Variants in CLRN2 observed in about 807,000 individuals in gnomAD.
The protein encoded by CLRN2 is clarin 2.
CLRN2 carries 17 observed loss-of-function variants against 20.1 expected under a neutral mutation model. The ratio of observed to expected loss-of-function variants is 0.85; its 90% CI spans 0.58 to 1.27. The LOEUF is 1.27. Among genes scored for constraint, CLRN2 ranks in the 50% most tolerant of loss-of-function variants. The pLI is 0.00. For missense variants in CLRN2, 288 were observed against 299.5 expected, an observed-to-expected ratio of 0.96 and a Z score of 0.28; for synonymous variants, 140 against 126.9, an observed-to-expected ratio of 1.10 and a Z score of -0.70.
chr4:17,517,701 G>C (rs1210457146), intron 1 of CLRN2, among the ~76,000 whole-genome samples: 1 of 152,204 alleles, frequency 6.6e-6, no homozygotes, highest in African/African-American at 2.4e-5. Flanking sequence ...CCTGTGAGAA[G>C]CATAAAGGAC....
At position 17,520,684 on chromosome 4, in the gene CLRN2, C is replaced by T. The variant is rs1206891952; in HGVS notation, c.254-2180C>T. ...TTTTGGTAAGCATTACTATGTTAGT[C>T]GTGTGTCCTAAGGATTGCCTGGTTA... On this transcript the variant is annotated intron_variant, in intron 1 of 2. Transcript: ENST00000511148. Among the ~76,000 whole-genome samples, 6 of 152,208 alleles carry T rather than the reference C, an allele frequency of 3.9e-5. No homozygotes were observed. In the East Asian group the frequency reaches 7.7e-4, roughly 20 times the overall value.
intron 1 of CLRN2, among the ~76,000 whole-genome samples, chr4:17,518,145 G>T (rs1227469607): frequency 6.6e-6 from 1 of 151,992 alleles, no homozygotes; most frequent in African/African-American, 2.4e-5. Flanking sequence ...CTGGGATGGG[G>T]AGGTTTATTG....
Position 17,527,039 on chromosome 4 carries a change from A to C in CLRN2, c.656A>C (p.Lys219Thr), listed in dbSNP as rs1185785357. Residue 219 changes from lysine (K) to threonine (T), a missense_variant, in exon 3 of 3, where the codon AAA becomes ACA. Lys to Thr is a moderately conservative substitution (Grantham distance 78, BLOSUM62 -1). Coordinates refer to ENST00000511148, the MANE Select transcript of CLRN2 (RefSeq NM_001079827.2). ...ATTCCCCTCCCTGAGATTAAGACCA[A>C]AATCGAAGAGGCCACGGTCACAGCT... ...SQIPLPEIKT[K>T]IEEATVTAED... The C allele has an allele frequency of 6.2e-7, 1 of 1,613,974 alleles. No individual in the cohort carries two copies. Among genetic ancestry groups the C allele is most frequent in the Non-Finnish European group, 8.5e-7 (1 of 1,179,890 alleles).
At chr4:17,526,287 C>T (rs940299313) in intron 2 of CLRN2, among the ~76,000 whole-genome samples, 4 of 152,118 alleles carry the variant, frequency 2.6e-5, no homozygotes, top group Non-Finnish European at 5.9e-5. Context: ...GGGCCGGGTG[C>T]GGTGGCTCAC....
At chr4:17,520,314 T>G (rs1177780974) in intron 1 of CLRN2, among the ~76,000 whole-genome samples, 1 of 152,236 alleles carries the variant, frequency 6.6e-6, no homozygotes, top group East Asian at 1.9e-4. Flanking sequence ...GTGGATATAA[T>G]TCTTTCTTTT....
rs1299405164 is a variant in CLRN2 at position 17,527,010 on chromosome 4, T to C, written c.627T>C (p.Ser209=). The C allele has an allele frequency of 2.5e-6, 4 of 1,613,974 alleles. No individual in the cohort carries two copies. The highest frequency in any genetic ancestry group is 1.7e-5 in the Admixed American group (1 of 60,022). ...CAAACTTGGTCGTGGTGGCGATCAG[T>C]CAAATTCCCCTCCCTGAGATTAAGA... ...HAANLVVVAI[S]QIPLPEIKTK... is the part of the protein sequence containing the mutation. Residue 209 remains serine, a synonymous_variant, in exon 3 of 3, where the codon AGT becomes AGC. Transcript: ENST00000511148.
At position 17,515,263 on chromosome 4, in the gene CLRN2, T is replaced by G. The variant is rs1159043079; in HGVS notation, c.-4T>G. 6.2e-7 allele frequency: 1 copy of G among 1,613,328 alleles called. No individual in the cohort carries two copies. Among genetic ancestry groups the G allele is most frequent in the South Asian group, 1.1e-5 (1 of 91,044 alleles). On this transcript the variant is annotated 5_prime_UTR_variant, in exon 1 of 3. It removes the in-frame stop codon of an upstream open reading frame in the 5' UTR. Transcript: ENST00000511148. ...GACCTTGGGGATGACCTGCACCCAC[T>G]AGCATGCCTGGATGGTTCAAAAAGG...
chr4:17,515,432 AAGTTCATTGGGGACATTTAC>A lies in CLRN2; in HGVS notation c.167_186del (p.Lys56IlefsTer8), dbSNP rs1182786630. On this transcript the variant is annotated frameshift_variant, in exon 1 of 3. Transcript: ENST00000511148. LOFTEE classifies it high-confidence loss of function. ...CAACGCCACAGACAGAGAGCTGGTC[AAGTTCATTGGGGACATTTAC>A]TACGGGCTCTTCCGAGGGTGTAAAG... is the stretch of plus-strand genomic sequence containing the variant. 4 of 1,613,830 alleles carry A rather than the reference AAGTTCATTGGGGACATTTAC, an allele frequency of 2.5e-6. No individual in the cohort carries two copies. The African/African-American group carries it at 5.3e-5, about 22-fold the overall frequency.
chr4:17,524,204 ATGTGTGTGTGTGTG>A (rs10527873), intron 2 of CLRN2, among the ~76,000 whole-genome samples: 25 of 148,650 alleles, frequency 1.7e-4, no homozygotes, highest in African/African-American at 5.7e-4. Context: ...AAACTACAAG[ATGTGTGTGTGTGTG>A]TGTGTGTGTG....
intron 1 of CLRN2, among the ~76,000 whole-genome samples, chr4:17,521,436 AG>A (rs1315215956): frequency 6.6e-6 from 1 of 152,244 alleles, no homozygotes; most frequent in African/African-American, 2.4e-5. Flanking sequence ...GGTATTCAGC[AG>A]GAACCTTGGA....
intron 2 of CLRN2, among the ~76,000 whole-genome samples, chr4:17,525,248 A>G (rs533900114): frequency 3.3e-4 from 51 of 152,330 alleles, no homozygotes; most frequent in Non-Finnish European, 6.8e-4. Flanking sequence ...GTGTGACCTT[A>G]TTTCTATAAT....
chr4:17,520,439 C>T (rs1711812611), intron 1 of CLRN2, among the ~76,000 whole-genome samples: 1 of 152,070 alleles, frequency 6.6e-6, no homozygotes. Context: ...AATATTTGAT[C>T]CACGCTTTGA....
chr4:17,516,065 T>C (rs546742657), intron 1 of CLRN2, among the ~76,000 whole-genome samples: 1 of 152,344 alleles, frequency 6.6e-6, no homozygotes, highest in South Asian at 2.1e-4. Flanking sequence ...TTTCCACATC[T>C]ACTTTTGTAA....
chr4:17,515,210 A>C lies in CLRN2; in HGVS notation c.-57A>C. ...CAGAGCATTGCCGAGTATCTGAAAG[A>C]TGTCAATGACCCTCGCTGCTGCTCG... On this transcript the variant is annotated 5_prime_UTR_variant, in exon 1 of 3. The change abolishes an upstream ATG in the 5' untranslated region. Coordinates refer to ENST00000511148, the MANE Select transcript of CLRN2 (RefSeq NM_001079827.2). The C allele has an allele frequency of 6.3e-7, 1 of 1,588,660 alleles. No homozygotes were observed. The highest frequency in any genetic ancestry group is 1.7e-5 in the Admixed American group (1 of 58,474).
At chr4:17,523,719 A>T (rs538074897) in intron 2 of CLRN2, among the ~76,000 whole-genome samples, 96 of 150,156 alleles carry the variant, frequency 6.4e-4, no homozygotes, top group Non-Finnish European at 1.1e-3. Context: ...GGGTAGTGTG[A>T]GCAAGAGGCC....
intron 2 of CLRN2, among the ~76,000 whole-genome samples, chr4:17,524,116 T>A (rs2597788): frequency 0.059 from 8,935 of 151,996 alleles, 369 homozygotes; most frequent in African/African-American, 0.11. Flanking sequence ...AACCTAGGTG[T>A]AACTGATTCT....
In CLRN2 at chr4:17,527,073, C is replaced by A; in HGVS notation, c.690C>A (p.Ile230=). The A allele has an allele frequency of 6.2e-7, 1 of 1,613,870 alleles. No individual in the cohort carries two copies. The highest frequency in any genetic ancestry group is 8.5e-7 in the Non-Finnish European group (1 of 1,179,882). Residue 230 remains isoleucine, a synonymous_variant, in exon 3 of 3, where the codon ATC becomes ATA. Coordinates refer to ENST00000511148, the MANE Select transcript of CLRN2 (RefSeq NM_001079827.2). Reference sequence around the variant, plus strand: ...AGGCCACGGTCACAGCTGAGGATATCTTGTATTAATAGCCTTCCCCTGTTC... The same window carrying A: ...AGGCCACGGTCACAGCTGAGGATATATTGTATTAATAGCCTTCCCCTGTTC... The part of the protein sequence containing the change: ...IEEATVTAED[I]LY
At chr4:17,515,679 T>A (rs1270041506) in intron 1 of CLRN2, among the ~76,000 whole-genome samples, 160 bp downstream of exon 1, 1 of 152,236 alleles carries the variant, frequency 6.6e-6, no homozygotes, top group Non-Finnish European at 1.5e-5. Context: ...ATCAAAAAGA[T>A]CTTTCCTTCC....
In CLRN2 at chr4:17,515,252, C is replaced by T. The variant is rs765671637; in HGVS notation, c.-15C>T. 1.2e-6 allele frequency: 2 copies of T among 1,612,354 alleles called. No homozygotes were observed. The highest frequency in any genetic ancestry group is 1.7e-6 in the Non-Finnish European group (2 of 1,179,370). Reference sequence around the variant, plus strand: ...TGCTGCTCGGAGACCTTGGGGATGACCTGCACCCACTAGCATGCCTGGATG... The same window carrying T: ...TGCTGCTCGGAGACCTTGGGGATGATCTGCACCCACTAGCATGCCTGGATG... On this transcript the variant is annotated 5_prime_UTR_variant, in exon 1 of 3. Coordinates refer to ENST00000511148, the MANE Select transcript of CLRN2 (RefSeq NM_001079827.2).
Sources: allele counts gnomAD v4.1 joint callset (sites outside exome capture counted in the v4.1 genomes callset), GRCh38; gene constraint gnomAD v4.1.1; transcripts MANE v1.5; gene names NCBI Gene and HGNC (gene_info 2026-07-23, HGNC 2026-07-21).